TF: variants seen among roughly 807,000 people sequenced by gnomAD.
TF encodes the protein transferrin.
A neutral mutation model predicts 82.4 loss-of-function variants in TF; 55 were observed. The observed-to-expected ratio is 0.67, with a 90% CI of 0.54 to 0.84. The LOEUF is 0.84. Among genes scored for constraint, TF ranks in the 40% least tolerant of loss-of-function variants. The pLI is 0.00. For missense variants in TF, 737 were observed against 868.4 expected (o/e 0.85, Z 1.90); for synonymous variants, 332 against 332.6 (o/e 1.00, Z 0.02).
chr3:133,666,304 C>T, the TF span, among the ~76,000 whole-genome samples: 3 of 152,002 alleles, frequency 2.0e-5, no homozygotes, highest in Non-Finnish European at 4.4e-5. Flanking sequence ...TCTTGAGTGG[C>T]TGGGACTACA....
At chr3:133,694,885 T>A in the TF span, among the ~76,000 whole-genome samples, 1 of 102,902 alleles carries the variant, frequency 9.7e-6, no homozygotes, top group Admixed American at 1.0e-4. Flanking sequence ...TTTATTTATT[T>A]ATTATTATTA....
rs1484745787 is a variant in TF, at chr3:133,783,497, A to G, written c.*4877A>G. ...AATATAAAATTAAAATCGTAAAAAC[A>G]ATTACTATGTTAACATATTTCTTAT... On this transcript the variant is annotated 3_prime_UTR_variant, in exon 17 of 17. Coordinates refer to ENST00000402696, the MANE Select transcript of TF (RefSeq NM_001063.4). The G allele has an allele frequency of 1.3e-5, 2 of 152,236 alleles. No homozygotes were observed. The highest frequency in any genetic ancestry group is 1.3e-4 in the Admixed American group (2 of 15,280). 9.4% of individuals were successfully genotyped at this position (152,236 alleles called of 1,614,324 possible). A position where few individuals can be genotyped will look rare whatever the true frequency, so the allele number is the denominator to read the frequency against.
Position 133,748,446 on chromosome 3 carries a change from A to G in TF, c.78A>G (p.Arg26=), listed in dbSNP as rs1389198037. The change falls in exon 2 of 17, where the codon AGA becomes AGG. Residue 26 remains arginine (R), a synonymous_variant. Transcript: ENST00000402696. ...LCLAVPDKTV[R]WCAVSEHEAT... Reference sequence around the variant, plus strand: ...TGGCTGTCCCTGATAAAACTGTGAGATGGTGTGCAGTGTCGGAGCATGAGG... The same window carrying G: ...TGGCTGTCCCTGATAAAACTGTGAGGTGGTGTGCAGTGTCGGAGCATGAGG... 9 of 1,613,992 alleles carry G rather than the reference A, an allele frequency of 5.6e-6. No homozygotes were observed. Among genetic ancestry groups the G allele is most frequent in the Non-Finnish European group, 7.6e-6 (9 of 1,179,994 alleles).
upstream of TF, among the ~76,000 whole-genome samples, chr3:133,742,609 G>A (rs748889458): frequency 4.6e-5 from 7 of 152,106 alleles, no homozygotes; most frequent in Non-Finnish European, 7.4e-5. Context: ...GACTGATTTC[G>A]TGAATGTCGG....
At chr3:133,774,194 T>A (rs543708231) in intron 14 of TF, 1 of 152,310 alleles carries the variant, frequency 6.6e-6, no homozygotes, top group South Asian at 2.1e-4. Context: ...GAACATAGTA[T>A]CATAGATAAA....
At chr3:133,754,424 A>T in intron 3 of TF, 71 bp from the exon 4 acceptor site, 3 of 1,513,650 alleles carry the variant, frequency 2.0e-6, no homozygotes, top group Non-Finnish European at 2.8e-6. Flanking sequence ...CCTCCTCAAG[A>T]GTCCGGTGGT....
intron 2 of TF, among the ~76,000 whole-genome samples, chr3:133,751,159 C>T (rs940130155): frequency 6.6e-6 from 1 of 151,234 alleles, no homozygotes; most frequent in South Asian, 2.1e-4. Flanking sequence ...ATATATGCTA[C>T]ACTGAGATGA....
chr3:133,710,021 C>A, the TF span: 1 of 152,280 alleles, frequency 6.6e-6, no homozygotes, highest in African/African-American at 2.4e-5. Context: ...GAAATGGCTG[C>A]CTTCTTAATT....
At chr3:133,733,006 C>T in the TF span, among the ~76,000 whole-genome samples, 1 of 152,158 alleles carries the variant, frequency 6.6e-6, no homozygotes, top group East Asian at 1.9e-4. Context: ...CTAATTCGTG[C>T]AGTTATGATC....
the TF span, among the ~76,000 whole-genome samples, chr3:133,681,092 C>T: frequency 6.6e-6 from 1 of 152,228 alleles, no homozygotes; most frequent in Non-Finnish European, 1.5e-5. Context: ...TTTTGCCTTT[C>T]TAGTGCTCTC....
chr3:133,757,647 C>G (rs779955130), intron 7 of TF, 122 bp from the exon 8 acceptor site: 19 of 965,206 alleles, frequency 2.0e-5, no homozygotes, highest in Non-Finnish European at 3.1e-5. Flanking sequence ...CGACTGCCCT[C>G]TCTCCTGGCA....
intron 12 of TF, among the ~76,000 whole-genome samples, chr3:133,767,586 C>T (rs1351392620): frequency 2.1e-4 from 32 of 152,214 alleles, no homozygotes; most frequent in Admixed American, 2.1e-3. Context: ...CACAGGAGAG[C>T]AGCTGAGCTG....
At chr3:133,752,698 A>T (rs948354527) in intron 2 of TF, among the ~76,000 whole-genome samples, 6 of 152,148 alleles carry the variant, frequency 3.9e-5, no homozygotes, top group African/African-American at 1.4e-4. Flanking sequence ...TAAGAAATAA[A>T]CCCGGAATGT....
At chr3:133,770,648 CT>C (rs1934237714) in intron 14 of TF, 76 bp downstream of exon 14, 2 of 1,461,016 alleles carry the variant, frequency 1.4e-6, no homozygotes, top group Non-Finnish European at 1.9e-6. Flanking sequence ...TCAGGGATGC[CT>C]TTGTGGAAGT....
At chr3:133,689,012 G>C in the TF span, among the ~76,000 whole-genome samples, 3 of 152,048 alleles carry the variant, frequency 2.0e-5, no homozygotes. Context: ...TATTATATGA[G>C]AGATCTGCAA....
the TF span, among the ~76,000 whole-genome samples, chr3:133,714,457 A>C: frequency 6.6e-6 from 1 of 151,920 alleles, no homozygotes; most frequent in Non-Finnish European, 1.5e-5. Context: ...CATAAATTAC[A>C]TATTTTCACA....
chr3:133,685,927 A>C, the TF span, among the ~76,000 whole-genome samples: 2 of 152,218 alleles, frequency 1.3e-5, no homozygotes, highest in African/African-American at 2.4e-5. Flanking sequence ...TGGAGGCATC[A>C]CGCTACCTGA....
intron 5 of TF, 148 bp downstream of exon 5, chr3:133,755,643 T>A: frequency 4.5e-6 from 5 of 1,117,714 alleles, no homozygotes; most frequent in African/African-American, 1.5e-5. Context: ...AAGCACAACC[T>A]GGGACTCCTA....
chr3:133,746,364 A>C, upstream of TF: 2 of 1,521,036 alleles, frequency 1.3e-6, no homozygotes, highest in Non-Finnish European at 1.8e-6. Context: ...CGGGAATGGA[A>C]TAAAGGGACG....
Sources: allele counts gnomAD v4.1 joint callset (sites outside exome capture counted in the v4.1 genomes callset), GRCh38; gene constraint gnomAD v4.1.1; transcripts MANE v1.5; gene names NCBI Gene and HGNC (gene_info 2026-07-23, HGNC 2026-07-21).